ACO2: variants seen among roughly 807,000 people sequenced by gnomAD.
The protein encoded by ACO2 is aconitase 2.
ACO2 carries 31 observed loss-of-function variants against 84.5 expected under a neutral mutation model. The ratio of observed to expected loss-of-function variants is 0.37; its 90% CI spans 0.28 to 0.50. ACO2 has a LOEUF of 0.50. Among genes scored for constraint, ACO2 ranks in the 20% least tolerant of loss-of-function variants. The pLI, the probability that ACO2 is intolerant of heterozygous loss-of-function variation, is 0.97. For synonymous variants in ACO2, 414 were observed against 412.7 expected, an observed-to-expected ratio of 1.00 and a Z score of -0.04; for missense variants, 685 against 1,029.3, an observed-to-expected ratio of 0.67 and a Z score of 4.58.
intron 8 of ACO2, 81 bp from the exon 9 acceptor site, chr22:41,520,090 G>T: frequency 2.4e-6 from 3 of 1,246,074 alleles, no homozygotes; most frequent in Non-Finnish European, 2.3e-6. Context: ...TGGGGACGTG[G>T]TGAGGCAGTG....
chr22:41,478,766 T>TC (rs1435073897), intron 1 of ACO2, among the ~76,000 whole-genome samples: 4 of 139,654 alleles, frequency 2.9e-5, no homozygotes, highest in East Asian at 2.0e-4. Flanking sequence ...CATATCTTCT[T>TC]TTTTTTTTTT....
chr22:41,474,105 G>A (rs1290664448), intron 1 of ACO2, among the ~76,000 whole-genome samples: 1 of 152,026 alleles, frequency 6.6e-6, no homozygotes. Flanking sequence ...AATGGCAGAG[G>A]AGTCTGGGAC....
At chr22:41,504,086 AG>A (rs1569011816) in intron 2 of ACO2, among the ~76,000 whole-genome samples, 5 of 151,932 alleles carry the variant, frequency 3.3e-5, no homozygotes, top group African/African-American at 1.2e-4. Flanking sequence ...CATGGTGGCG[AG>A]CGCCTGTAAT....
intron 9 of ACO2, 58 bp downstream of exon 9, chr22:41,520,334 G>C (rs962959431): frequency 2.1e-6 from 3 of 1,401,220 alleles, no homozygotes; most frequent in Non-Finnish European, 3.0e-6. Flanking sequence ...CTCTGCCCAG[G>C]GCTGTAGACA....
At chr22:41,480,638 G>A (rs2038075689) in intron 1 of ACO2, among the ~76,000 whole-genome samples, 1 of 152,162 alleles carries the variant, frequency 6.6e-6, no homozygotes, top group Non-Finnish European at 1.5e-5. Context: ...CCTGCCAGAA[G>A]CCCAGCTACC....
intron 1 of ACO2, 61 bp downstream of exon 1, chr22:41,469,243 G>C (rs1175647641): frequency 6.4e-7 from 1 of 1,572,140 alleles, no homozygotes; most frequent in Non-Finnish European, 8.6e-7. Context: ...TGTGCCGGCG[G>C]CTGTGGGCGA....
chr22:41,491,156 C>A (rs2066268821), intron 1 of ACO2, among the ~76,000 whole-genome samples: 2 of 151,748 alleles, frequency 1.3e-5, no homozygotes, highest in African/African-American at 4.8e-5. Flanking sequence ...AGCAAACATT[C>A]CAAGCAGAAG....
intron 8 of ACO2, among the ~76,000 whole-genome samples, chr22:41,518,793 AAAAT>A (rs2066496242): frequency 6.6e-6 from 1 of 152,050 alleles, no homozygotes; most frequent in Non-Finnish European, 1.5e-5. Flanking sequence ...AAAAAATACA[AAAAT>A]TAGCTCGGCA....
chr22:41,525,170 C>T lies in ACO2; in HGVS notation c.1606-23C>T, dbSNP rs370078521. On this transcript the variant is annotated intron_variant, in intron 13 of 17. Coordinates refer to ENST00000216254, the MANE Select transcript of ACO2 (RefSeq NM_001098.3). ...TGGGAACTGAGGACTCAGCACCCCA[C>T]GCATCCCCATTCCCTGCTGCAGGAG... The T allele has an allele frequency of 2.7e-4, 436 of 1,611,616 alleles. 3 individuals carry two copies. The African/African-American group carries it at 5.0e-3, about 19-fold the overall frequency.
chr22:41,490,724 A>G (rs1225475453), intron 1 of ACO2, among the ~76,000 whole-genome samples: 2 of 152,194 alleles, frequency 1.3e-5, no homozygotes, highest in East Asian at 1.9e-4. Flanking sequence ...TAAGACTGAT[A>G]AAGTATTGAT....
chr22:41,528,631 C>T lies in ACO2; in HGVS notation c.*18C>T. On this transcript the variant is annotated 3_prime_UTR_variant, in exon 18 of 18. Transcript: ENST00000216254. ...AACAGTGAGGGCAGTGCCTCCCCGC[C>T]CCGCCGCTGGCGTCAAGTTCAGCTC... 2 of 1,578,228 alleles carry T rather than the reference C, an allele frequency of 1.3e-6. No individual in the cohort carries two copies. Among genetic ancestry groups the T allele is most frequent in the South Asian group, 2.3e-5 (2 of 85,922 alleles).
intron 15 of ACO2, chr22:41,526,950 T>C: frequency 2.5e-6 from 1 of 404,950 alleles, no homozygotes; most frequent in East Asian, 4.8e-5. Context: ...CGCCTTGAGC[T>C]TCACAGATGC....
intron 16 of ACO2, chr22:41,527,621 A>C: frequency 1.2e-6 from 1 of 841,264 alleles, no homozygotes; most frequent in South Asian, 1.8e-5. Context: ...CCCTGCTTCC[A>C]GGCTTGTAGA....
chr22:41,497,890 A>C (rs1949576138), intron 1 of ACO2, among the ~76,000 whole-genome samples: 1 of 151,690 alleles, frequency 6.6e-6, no homozygotes, highest in Non-Finnish European at 1.5e-5. Flanking sequence ...TTAAAAAAAA[A>C]TAAAAAAAAT....
rs367823399 is a variant in ACO2, at chr22:41,474,016, G to A, written c.36+4834G>A. Among the ~76,000 whole-genome samples, 111 of 152,304 alleles carry A rather than the reference G, an allele frequency of 7.3e-4. No homozygotes were observed. The Middle Eastern group carries it at 0.014, about 19-fold the overall frequency. ...GTGATGTGATCTGATCATCTGGGCT[G>A]CTGCGTGCATGATGGACCATAGAGG... On this transcript the variant is annotated intron_variant, in intron 1 of 17. Transcript: ENST00000216254.
intron 6 of ACO2, among the ~76,000 whole-genome samples, chr22:41,517,031 G>A (rs1020619972): frequency 7.9e-5 from 12 of 152,102 alleles, no homozygotes; most frequent in African/African-American, 2.9e-4. Context: ...CTCCACCATG[G>A]TATGGCTGAA....
At chr22:41,522,009 G>A (rs911257301) in intron 9 of ACO2, among the ~76,000 whole-genome samples, 2 of 152,200 alleles carry the variant, frequency 1.3e-5, no homozygotes, top group Non-Finnish European at 2.9e-5. Context: ...CTGACCTCAA[G>A]TGATCTGCCT....
chr22:41,518,816 T>C (rs1051891871), intron 8 of ACO2, among the ~76,000 whole-genome samples: 2 of 150,954 alleles, frequency 1.3e-5, no homozygotes, highest in Non-Finnish European at 2.9e-5. Context: ...CATAGTGCCA[T>C]GTGCCTATAA....
chr22:41,494,411 CTTT>C (rs879644372), intron 1 of ACO2, among the ~76,000 whole-genome samples: 7 of 139,000 alleles, frequency 5.0e-5, no homozygotes, highest in Admixed American at 7.3e-5. Flanking sequence ...TATTCTGTAT[CTTT>C]TTTTTTTTTT....
Sources: gnomAD v4.1 joint callset for allele counts (sites outside exome capture counted in the v4.1 genomes callset) on GRCh38, gnomAD v4.1.1 for gene constraint, MANE v1.5 for transcripts, NCBI Gene and HGNC (gene_info 2026-07-23, HGNC 2026-07-21) for gene names.